ARB2A: variants seen among roughly 807,000 people sequenced by gnomAD.
The protein encoded by ARB2A is ARB2 cotranscriptional regulator A.
the ARB2A span, among the ~76,000 whole-genome samples, chr5:94,001,750 AATC>A: frequency 6.6e-6 from 1 of 152,074 alleles, no homozygotes; most frequent in Non-Finnish European, 1.5e-5. Context: ...ACAACATATT[AATC>A]ATGGTTGTTT....
chr5:94,059,706 G>A, the ARB2A span, among the ~76,000 whole-genome samples: 1 of 150,856 alleles, frequency 6.6e-6, no homozygotes, highest in South Asian at 2.1e-4. Context: ...GACTTTTCAG[G>A]AGCTATGCAA....
chr5:93,846,517 A>G, the ARB2A span, among the ~76,000 whole-genome samples: 1 of 152,000 alleles, frequency 6.6e-6, no homozygotes, highest in South Asian at 2.1e-4. Context: ...AAATAATAAT[A>G]ATAAAAATAA....
the ARB2A span, among the ~76,000 whole-genome samples, chr5:93,800,076 T>G: frequency 6.6e-6 from 1 of 152,082 alleles, no homozygotes; most frequent in South Asian, 2.1e-4. Flanking sequence ...TCTATTTCTC[T>G]TTGAAAAATT....
the ARB2A span, among the ~76,000 whole-genome samples, chr5:93,647,157 A>G: frequency 6.6e-6 from 1 of 152,154 alleles, no homozygotes; most frequent in Non-Finnish European, 1.5e-5. Context: ...ATTTGTATTA[A>G]CATGTTCATC....
chr5:93,672,587 C>T, the ARB2A span, among the ~76,000 whole-genome samples: 2 of 151,854 alleles, frequency 1.3e-5, no homozygotes, highest in East Asian at 1.9e-4. Context: ...GGATTACAGC[C>T]GTGAGCCACC....
the ARB2A span, among the ~76,000 whole-genome samples, chr5:93,674,867 T>C: frequency 2.0e-5 from 3 of 152,316 alleles, no homozygotes; most frequent in East Asian, 3.9e-4. Context: ...TGAAGGAACA[T>C]TATTTGTGCA....
At chr5:94,065,768 T>C in the ARB2A span, among the ~76,000 whole-genome samples, 2 of 152,166 alleles carry the variant, frequency 1.3e-5, no homozygotes, top group Non-Finnish European at 2.9e-5. Flanking sequence ...TAGATTCCAA[T>C]AAAATAATAG....
the ARB2A span, chr5:93,740,681 C>G: frequency 1.9e-6 from 3 of 1,613,888 alleles, no homozygotes; most frequent in South Asian, 2.2e-5. Context: ...AGCCCCAGTC[C>G]CAGGTGAAAG....
At chr5:93,974,124 G>A in the ARB2A span, among the ~76,000 whole-genome samples, 1 of 152,084 alleles carries the variant, frequency 6.6e-6, no homozygotes. Context: ...GAAAAAACAA[G>A]ACCCATCCTT....
chr5:93,852,693 A>G, the ARB2A span, among the ~76,000 whole-genome samples: 1 of 152,100 alleles, frequency 6.6e-6, no homozygotes, highest in African/African-American at 2.4e-5. Context: ...TTTTCCCAGC[A>G]CCATTTATTA....
At chr5:93,734,144 A>C in the ARB2A span, 5 of 152,186 alleles carry the variant, frequency 3.3e-5, no homozygotes, top group African/African-American at 1.2e-4. Context: ...TTCTAGGAAA[A>C]AGAGAAATTG....
chr5:93,883,946 C>T, the ARB2A span, among the ~76,000 whole-genome samples: 1 of 150,838 alleles, frequency 6.6e-6, no homozygotes, highest in African/African-American at 2.4e-5. Context: ...CACACACACA[C>T]ACACACACAC....
chr5:93,830,309 GTGTATATATATATATATATATA>G, the ARB2A span, among the ~76,000 whole-genome samples: 4 of 49,658 alleles, frequency 8.1e-5, no homozygotes, highest in African/African-American at 3.7e-4. Flanking sequence ...ATGTGTGTGT[GTGTATATATATATATATATATA>G]TATATATATA....
chr5:93,994,062 C>T, the ARB2A span, among the ~76,000 whole-genome samples: 4 of 151,832 alleles, frequency 2.6e-5, no homozygotes, highest in African/African-American at 7.3e-5. Context: ...ATACTGTTGA[C>T]GGGAATGAAA....
chr5:93,832,761 T>C, the ARB2A span, among the ~76,000 whole-genome samples: 1 of 152,134 alleles, frequency 6.6e-6, no homozygotes, highest in Non-Finnish European at 1.5e-5. Flanking sequence ...AATTCTACTT[T>C]TTTTTACTCC....
the ARB2A span, among the ~76,000 whole-genome samples, chr5:93,992,692 GT>G: frequency 1.3e-5 from 2 of 151,902 alleles, no homozygotes; most frequent in African/African-American, 4.8e-5. Context: ...CAAAAATTCA[GT>G]AATTACCATT....
At chr5:93,957,950 C>A in the ARB2A span, among the ~76,000 whole-genome samples, 1 of 151,420 alleles carries the variant, frequency 6.6e-6, no homozygotes, top group East Asian at 1.9e-4. Context: ...AAAACTGATA[C>A]AAGATATCAG....
chr5:93,781,690 GT>G, the ARB2A span, among the ~76,000 whole-genome samples: 26,783 of 138,674 alleles, frequency 0.19, 2,602 homozygotes, highest in Middle Eastern at 0.28. Context: ...GCCAACATCT[GT>G]TTTTTTTTTT....
the ARB2A span, among the ~76,000 whole-genome samples, chr5:93,945,740 A>G: frequency 6.6e-6 from 1 of 152,310 alleles, no homozygotes; most frequent in Non-Finnish European, 1.5e-5. Context: ...CAATACAAAA[A>G]AAGTTTCTCA....
Sources: allele counts gnomAD v4.1 joint callset (sites outside exome capture counted in the v4.1 genomes callset), GRCh38; gene constraint gnomAD v4.1.1; transcripts MANE v1.5; gene names NCBI Gene and HGNC (gene_info 2026-07-23, HGNC 2026-07-21).